Variants in COL14A1 observed in about 807,000 individuals in gnomAD.
COL14A1 encodes the protein collagen type XIV alpha 1 chain, also known as collagen alpha-1(XIV) chain.
Under a neutral mutation model 230.3 loss-of-function variants are expected in COL14A1, and 136 were observed. The observed-to-expected ratio is 0.59, with a 90% CI of 0.51 to 0.68. COL14A1 has a LOEUF of 0.68. Ranked by LOEUF, COL14A1 falls within the 30% of genes least tolerant of loss-of-function variation. The probability of loss-of-function intolerance (pLI) is 0.00; values close to 1 mark genes in which losing one functional copy is unlikely to be tolerated. For synonymous variants in COL14A1, 792 were observed against 784.1 expected (o/e 1.01, Z -0.17); for missense variants, 1,976 against 2,215.8 (o/e 0.89, Z 2.17).
In COL14A1 at chr8:120,247,625, G is replaced by A. The variant is rs1818805295; in HGVS notation, c.2492G>A (p.Gly831Glu). 6.2e-7 allele frequency: 1 copy of A among 1,613,854 alleles called. No individual in the cohort carries two copies. The highest frequency in any genetic ancestry group is 1.7e-5 in the Admixed American group (1 of 59,982). Residue 831 changes from glycine to glutamate, a missense_variant, in exon 21 of 48, where the codon GGG becomes GAG. Physicochemically the swap from Gly to Glu is moderately conservative, Grantham distance 98. Coordinates refer to ENST00000297848, the MANE Select transcript of COL14A1 (RefSeq NM_021110.4). Reference protein sequence around the residue: ...SAPGKTLPSSGPQNLRVSEEW... With the variant: ...SAPGKTLPSSEPQNLRVSEEW... Reference sequence around the variant, plus strand: ...CTTTTCTACTCAGTACCATCCTCGGGGCCCCAGAACTTGCGGGTGTCCGAG... The same window carrying A: ...CTTTTCTACTCAGTACCATCCTCGGAGCCCCAGAACTTGCGGGTGTCCGAG...
intron 1 of COL14A1, among the ~76,000 whole-genome samples, chr8:120,135,620 C>A (rs1459821138): frequency 1.3e-5 from 2 of 152,134 alleles, no homozygotes; most frequent in Non-Finnish European, 2.9e-5. Context: ...TAACTTTTAG[C>A]AAACTGTCTT....
intron 45 of COL14A1, among the ~76,000 whole-genome samples, chr8:120,355,978 A>T (rs1426305110): frequency 1.3e-5 from 2 of 152,182 alleles, no homozygotes; most frequent in Non-Finnish European, 2.9e-5. Flanking sequence ...ATTAGGCTCC[A>T]ATTGCATCTG....
intron 18 of COL14A1, among the ~76,000 whole-genome samples, chr8:120,229,498 A>G (rs536801515): frequency 1.3e-5 from 2 of 152,036 alleles, no homozygotes; most frequent in South Asian, 4.2e-4. Context: ...CATTTTCTTA[A>G]TCCAGTCTAT....
chr8:120,371,289 G>GA lies in COL14A1; in HGVS notation c.*62dup, dbSNP rs1470287850. The GA allele has an allele frequency of 7.0e-7, 1 of 1,428,080 alleles. No homozygotes were observed. Among genetic ancestry groups the GA allele is most frequent in the African/African-American group, 1.4e-5 (1 of 70,738 alleles). 88.5% of individuals were successfully genotyped at this position (1,428,080 alleles called of 1,614,324 possible). Reference sequence around the variant, plus strand: ...AGAACTCTTAAGGAATCTTGTTTGAGAAAATGTTGTTATGTGGTTTGTATG... The same window carrying GA: ...AGAACTCTTAAGGAATCTTGTTTGAGAAAAATGTTGTTATGTGGTTTGTATG... On this transcript the variant is annotated 3_prime_UTR_variant, in exon 48 of 48. Coordinates refer to ENST00000297848, the MANE Select transcript of COL14A1 (RefSeq NM_021110.4).
intron 23 of COL14A1, among the ~76,000 whole-genome samples, chr8:120,261,349 G>C (rs1819319733): frequency 6.6e-6 from 1 of 152,122 alleles, no homozygotes. Flanking sequence ...AATGTTATAA[G>C]AATCAAATGA....
At chr8:120,288,780 C>T (rs1438617260) in intron 33 of COL14A1, among the ~76,000 whole-genome samples, 1 of 152,094 alleles carries the variant, frequency 6.6e-6, no homozygotes, top group Non-Finnish European at 1.5e-5. Flanking sequence ...AGGGTGAAAT[C>T]ATTATTTACC....
chr8:120,156,107 T>C (rs1421786013), intron 2 of COL14A1, among the ~76,000 whole-genome samples: 4 of 152,310 alleles, frequency 2.6e-5, no homozygotes, highest in Admixed American at 1.3e-4. Context: ...TTTCATCTGA[T>C]TTCATACTGA....
intron 14 of COL14A1, among the ~76,000 whole-genome samples, chr8:120,219,299 T>C (rs985970255): frequency 6.6e-6 from 1 of 152,118 alleles, no homozygotes; most frequent in African/African-American, 2.4e-5. Context: ...AGACGAGGTT[T>C]TGCCATGTGG....
At chr8:120,156,014 T>A (rs377234587) in intron 2 of COL14A1, among the ~76,000 whole-genome samples, 86 of 152,346 alleles carry the variant, frequency 5.6e-4, no homozygotes, top group African/African-American at 1.9e-3. Flanking sequence ...GCTAGCATTC[T>A]CTACTTAGAG....
intron 34 of COL14A1, among the ~76,000 whole-genome samples, chr8:120,295,595 A>G (rs989376902): frequency 2.6e-5 from 4 of 151,814 alleles, no homozygotes; most frequent in Non-Finnish European, 4.4e-5. Context: ...AACTACTATT[A>G]TATTTCTGTC....
intron 1 of COL14A1, among the ~76,000 whole-genome samples, chr8:120,136,264 T>C (rs1814704983): frequency 6.6e-6 from 1 of 152,116 alleles, no homozygotes; most frequent in South Asian, 2.1e-4. Flanking sequence ...CTTTATTAGA[T>C]TGAAGAAGTT....
chr8:120,191,511 TG>T (rs1206896676), intron 5 of COL14A1, among the ~76,000 whole-genome samples: 7 of 151,064 alleles, frequency 4.6e-5, no homozygotes, highest in Admixed American at 4.6e-4. Context: ...CTGAAAAAAA[TG>T]TATATTCTGT....
At chr8:120,324,459 T>C (rs117814394) in intron 40 of COL14A1, among the ~76,000 whole-genome samples, 2,376 of 152,256 alleles carry the variant, frequency 0.016, 23 homozygotes, top group Non-Finnish European at 0.025. Context: ...CTTGGCCTCT[T>C]AATCTGGTGG....
At chr8:120,261,953 C>T (rs1819340912) in intron 23 of COL14A1, among the ~76,000 whole-genome samples, 1 of 151,978 alleles carries the variant, frequency 6.6e-6, no homozygotes, top group Non-Finnish European at 1.5e-5. Context: ...CTTGGTGGTC[C>T]CAGTGCTGCT....
In COL14A1 at chr8:120,289,657, A is replaced by T; in HGVS notation, c.4127A>T (p.Lys1376Met). 1 of 1,614,086 alleles carries T rather than the reference A, an allele frequency of 6.2e-7. No individual in the cohort carries two copies. The highest frequency in any genetic ancestry group is 8.5e-7 in the Non-Finnish European group (1 of 1,179,976). The change falls in exon 34 of 48, where the codon AAG (lysine) becomes ATG (methionine). Residue 1376 changes from lysine (K) to methionine (M), a missense_variant. Physicochemically the swap from Lys to Met is moderately conservative, Grantham distance 95 (BLOSUM62 -1). Around this residue, in one of 3 missense-constraint regions of COL14A1, gnomAD observed 1,791 missense variants for 2,019.5 expected, o/e 0.89. Coordinates refer to ENST00000297848, the MANE Select transcript of COL14A1 (RefSeq NM_021110.4). ...ETLVKVVIDC[K>M]QVGEKAMNAS... ...TTGGTCAAAGTGGTTATTGACTGCAAGCAAGTGGGTGAGAAGGCAATGAAC... is the reference window on the plus strand; with the variant it reads ...TTGGTCAAAGTGGTTATTGACTGCATGCAAGTGGGTGAGAAGGCAATGAAC...
chr8:120,364,468 C>T (rs1823333767), intron 45 of COL14A1, among the ~76,000 whole-genome samples: 1 of 152,118 alleles, frequency 6.6e-6, no homozygotes, highest in Admixed American at 6.6e-5. Context: ...AGAAAATGGC[C>T]TACAACCAAG....
chr8:120,148,264 C>A (rs1195819402), intron 2 of COL14A1, among the ~76,000 whole-genome samples: 1 of 151,412 alleles, frequency 6.6e-6, no homozygotes, highest in Non-Finnish European at 1.5e-5. Flanking sequence ...TCCCAAGTAG[C>A]TGGGACTACA....
In COL14A1 at chr8:120,313,569, A is replaced by C. The variant is rs570870807; in HGVS notation, c.4456-363A>C. On this transcript the variant is annotated intron_variant, in intron 37 of 47. Transcript: ENST00000297848. ...CAGAGAGAATGTAGTTCATCTGGAC[A>C]GTGTGAACCTTCCCAGACTAGGAAG... Among the ~76,000 whole-genome samples, 176 of 152,288 alleles carry C rather than the reference A, an allele frequency of 1.2e-3. 1 individual carries two copies. The highest frequency in any genetic ancestry group is 4.1e-3 in the African/African-American group (171 of 41,576).
chr8:120,197,773 C>A (rs1586757971), intron 6 of COL14A1, 38 bp from the exon 7 acceptor site: 7 of 1,578,106 alleles, frequency 4.4e-6, no homozygotes, highest in Admixed American at 1.7e-5. Context: ...TTTGAGTAAC[C>A]CATTATTCCT....
Sources: allele counts gnomAD v4.1 joint callset (sites outside exome capture counted in the v4.1 genomes callset), GRCh38; gene constraint gnomAD v4.1.1; regional missense constraint gnomAD v4.1.1; transcripts MANE v1.5; gene names NCBI Gene and HGNC (gene_info 2026-07-23, HGNC 2026-07-21).